Variants in MIS18A observed in about 807,000 individuals in gnomAD.
MIS18A encodes the protein protein Mis18-alpha.
In MIS18A, 14 loss-of-function variants were observed where a neutral mutation model predicts 25.0. The ratio of observed to expected loss-of-function variants is 0.56; its 90% CI spans 0.37 to 0.88. The LOEUF (loss-of-function observed/expected upper bound fraction) is 0.88, where lower values mean the gene tolerates loss of function less well. Among genes scored for constraint, MIS18A ranks in the 40% least tolerant of loss-of-function variants. The probability of loss-of-function intolerance (pLI) is 0.00; values close to 1 mark genes in which losing one functional copy is unlikely to be tolerated. For missense variants in MIS18A, 292 were observed against 290.8 expected (o/e 1.00, Z -0.03); for synonymous variants, 134 against 118.6 (o/e 1.13, Z -0.84).
the MIS18A span, among the ~76,000 whole-genome samples, chr21:32,254,166 G>A: frequency 6.6e-6 from 1 of 152,204 alleles, no homozygotes; most frequent in South Asian, 2.1e-4. Context: ...GGGAGGCGGA[G>A]GTTGCAGTGA....
At chr21:32,262,940 C>G in the MIS18A span, among the ~76,000 whole-genome samples, 1 of 152,072 alleles carries the variant, frequency 6.6e-6, no homozygotes, top group East Asian at 1.9e-4. Context: ...TGTGACTATC[C>G]CAAAGAAACT....
At chr21:32,206,906 G>T in the MIS18A span, among the ~76,000 whole-genome samples, 1 of 152,150 alleles carries the variant, frequency 6.6e-6, no homozygotes, top group South Asian at 2.1e-4. Flanking sequence ...ACTGATGCCT[G>T]GGACCATATA....
chr21:32,266,807 C>T (rs1385890949), downstream of MIS18A, among the ~76,000 whole-genome samples: 7 of 152,190 alleles, frequency 4.6e-5, no homozygotes, highest in Non-Finnish European at 8.8e-5. Flanking sequence ...CCACCAATTC[C>T]GGACACACTG....
At chr21:32,179,986 T>C in the MIS18A span, among the ~76,000 whole-genome samples, 2 of 152,188 alleles carry the variant, frequency 1.3e-5, no homozygotes, top group Non-Finnish European at 1.5e-5. Flanking sequence ...ACAGGTAGAA[T>C]ACCGTACCAG....
chr21:32,212,644 G>C, the MIS18A span, among the ~76,000 whole-genome samples: 1 of 152,106 alleles, frequency 6.6e-6, no homozygotes, highest in South Asian at 2.1e-4. Flanking sequence ...TATTGATATG[G>C]TTTGGCTGTG....
At chr21:32,263,812 T>C (rs1340781557), downstream of MIS18A, among the ~76,000 whole-genome samples, 2 of 151,402 alleles carry the variant, frequency 1.3e-5, no homozygotes, top group African/African-American at 4.9e-5. Context: ...GCCTTCTTTT[T>C]TTTTTTTTTT....
chr21:32,154,744 A>C, the MIS18A span, among the ~76,000 whole-genome samples: 1 of 152,156 alleles, frequency 6.6e-6, no homozygotes, highest in Non-Finnish European at 1.5e-5. Flanking sequence ...GAAGTTATAT[A>C]ATTCTACAGT....
chr21:32,278,986 C>G lies in MIS18A; in HGVS notation c.29G>C (p.Ser10Thr), dbSNP rs140429846. ...CTCACAGCCGCCAGCGCATCCTCTGCTACACCTCAGTGACCGAACGCCTGC... is the reference window on the plus strand; with the variant it reads ...CTCACAGCCGCCAGCGCATCCTCTGGTACACCTCAGTGACCGAACGCCTGC... MAGVRSLRC[S>T]RGCAGGCECG... Residue 10 changes from serine (S) to threonine (T), a missense_variant, in exon 1 of 5, where the codon AGC (serine) becomes ACC (threonine). Ser to Thr is a moderately conservative substitution (Grantham distance 58). Coordinates refer to ENST00000290130, the MANE Select transcript of MIS18A (RefSeq NM_018944.3). The G allele has an allele frequency of 1.9e-4, 310 of 1,609,294 alleles. 2 individuals carry two copies. In the African/African-American group the frequency reaches 3.5e-3, roughly 18 times the overall value.
the MIS18A span, among the ~76,000 whole-genome samples, chr21:32,155,952 G>GAA: frequency 0.01 from 1,547 of 149,878 alleles, 29 homozygotes; most frequent in African/African-American, 0.036. Context: ...CAATTGTTAG[G>GAA]AAAAAAAAAA....
chr21:32,258,479 T>C, the MIS18A span, among the ~76,000 whole-genome samples: 1 of 152,176 alleles, frequency 6.6e-6, no homozygotes, highest in South Asian at 2.1e-4. Flanking sequence ...AGTTTCCCAC[T>C]GTGGTTGTGA....
At chr21:32,181,253 C>A in the MIS18A span, among the ~76,000 whole-genome samples, 1 of 152,176 alleles carries the variant, frequency 6.6e-6, no homozygotes, top group East Asian at 1.9e-4. Context: ...GGAACCTACA[C>A]CACACTCTCC....
the MIS18A span, among the ~76,000 whole-genome samples, chr21:32,240,051 G>A: frequency 8.0e-3 from 1,212 of 152,284 alleles, 15 homozygotes; most frequent in African/African-American, 0.027. Flanking sequence ...GAGTTGTTGG[G>A]AATTACGTAC....
the MIS18A span, among the ~76,000 whole-genome samples, chr21:32,209,310 A>C: frequency 2.0e-5 from 3 of 152,182 alleles, no homozygotes; most frequent in African/African-American, 7.2e-5. Context: ...GGTTAAATGG[A>C]CCCTTTGAGA....
the MIS18A span, among the ~76,000 whole-genome samples, chr21:32,234,445 G>T: frequency 2.6e-4 from 39 of 152,216 alleles, no homozygotes; most frequent in Admixed American, 9.2e-4. Context: ...GCAACCAAAG[G>T]TTCTTACCAG....
At chr21:32,165,348 A>G in the MIS18A span, among the ~76,000 whole-genome samples, 1 of 151,982 alleles carries the variant, frequency 6.6e-6, no homozygotes. Context: ...AAATTGAGAG[A>G]CATTCCACAA....
At chr21:32,162,858 C>T in the MIS18A span, among the ~76,000 whole-genome samples, 1 of 152,210 alleles carries the variant, frequency 6.6e-6, no homozygotes, top group East Asian at 1.9e-4. Flanking sequence ...GGGCACATGG[C>T]CAATCGCTCC....
the MIS18A span, among the ~76,000 whole-genome samples, chr21:32,156,820 C>T: frequency 1.1e-4 from 16 of 151,910 alleles, no homozygotes; most frequent in East Asian, 3.1e-3. Context: ...GTAAAAGAGA[C>T]CCCCTTAACC....
At chr21:32,263,163 G>A in the MIS18A span, among the ~76,000 whole-genome samples, 1 of 152,214 alleles carries the variant, frequency 6.6e-6, no homozygotes, top group East Asian at 1.9e-4. Flanking sequence ...GCAAGCAACT[G>A]CCCAGTTATT....
At chr21:32,235,192 C>A in the MIS18A span, among the ~76,000 whole-genome samples, 1 of 152,216 alleles carries the variant, frequency 6.6e-6, no homozygotes, top group African/African-American at 2.4e-5. Context: ...ATACTGGATA[C>A]TCACAGCTGC....
Sources: allele counts gnomAD v4.1 joint callset (sites outside exome capture counted in the v4.1 genomes callset), GRCh38; gene constraint gnomAD v4.1.1; transcripts MANE v1.5; gene names NCBI Gene and HGNC (gene_info 2026-07-23, HGNC 2026-07-21).